CLCNKB: variants seen among roughly 807,000 people sequenced by gnomAD.
CLCNKB encodes the protein chloride voltage-gated channel Kb, also known as chloride channel protein ClC-Kb.
In CLCNKB, 74 loss-of-function variants were observed where a neutral mutation model predicts 83.8. That is an observed-to-expected ratio of 0.88 (90% CI 0.73 to 1.07). CLCNKB has a LOEUF of 1.07. Among genes scored for constraint, CLCNKB ranks in the 50% least tolerant of loss-of-function variants. The probability of loss-of-function intolerance (pLI) is 0.00; values close to 1 mark genes in which losing one functional copy is unlikely to be tolerated. For missense variants in CLCNKB, 798 were observed against 893.6 expected (o/e 0.89, Z 1.36); for synonymous variants, 358 against 356.6 (o/e 1.00, Z -0.04).
At chr1:16,046,482 C>G in intron 3 of CLCNKB, 53 bp from the exon 4 acceptor site, 1 of 1,610,090 alleles carries the variant, frequency 6.2e-7, no homozygotes, top group Non-Finnish European at 8.5e-7. Context: ...CAGCGTCTGG[C>G]CCCGAGGGCT....
intron 15 of CLCNKB, among the ~76,000 whole-genome samples, chr1:16,053,019 C>T (rs1412131906): frequency 6.6e-6 from 1 of 150,458 alleles, no homozygotes; most frequent in Non-Finnish European, 1.5e-5. Flanking sequence ...AGTTTTTTTC[C>T]CTGGGGGAGG....
chr1:16,057,251 C>CTGGGGTTG lies in CLCNKB; in HGVS notation c.*337_*344dup, dbSNP rs1557475112. ...CACCAAGGGCAGGCACAGATGCCTT[C>CTGGGGTTG]TGGGGTTGTCTGGTTCCCAGTGAGA... On this transcript the variant is annotated 3_prime_UTR_variant, in exon 20 of 20. Coordinates refer to ENST00000375679, the MANE Select transcript of CLCNKB (RefSeq NM_000085.5). 1 of 661,358 alleles carries CTGGGGTTG rather than the reference C, an allele frequency of 1.5e-6. No individual in the cohort carries two copies. Among genetic ancestry groups the CTGGGGTTG allele is most frequent in the Non-Finnish European group, 2.9e-6 (1 of 348,286 alleles). The allele number at this position is 661,358 out of a possible 1,614,324, so 41.0% of individuals were successfully genotyped here. A position where few individuals can be genotyped will look rare whatever the true frequency, so the allele number is the denominator to read the frequency against.
intron 3 of CLCNKB, 51 bp downstream of exon 3, chr1:16,045,737 C>G: frequency 1.3e-6 from 2 of 1,527,206 alleles, no homozygotes; most frequent in South Asian, 1.1e-5. Flanking sequence ...TCTGAGCTCT[C>G]TCTGGGGATG....
At chr1:16,052,574 A>C (rs548957358) in intron 15 of CLCNKB, among the ~76,000 whole-genome samples, 163 bp downstream of exon 15, 1 of 152,296 alleles carries the variant, frequency 6.6e-6, no homozygotes, top group Non-Finnish European at 1.5e-5. Context: ...GCCCCGGGTG[A>C]CCTTGGGCAA....
At chr1:16,046,056 C>A (rs11578318) in intron 3 of CLCNKB, among the ~76,000 whole-genome samples, 19,708 of 152,258 alleles carry the variant, frequency 0.13, 1,504 homozygotes, top group African/African-American at 0.17. Flanking sequence ...CACCCCATCC[C>A]TCAGCAGCCT....
intron 7 of CLCNKB, 115 bp from the exon 8 acceptor site, chr1:16,049,005 C>T (rs537759207): frequency 3.1e-6 from 5 of 1,600,382 alleles, no homozygotes; most frequent in East Asian, 2.2e-5. Context: ...TGTCCCTGTC[C>T]GGGCTGCAGG....
At chr1:16,050,714 T>C in intron 11 of CLCNKB, 114 bp downstream of exon 11, 1 of 1,483,176 alleles carries the variant, frequency 6.7e-7, no homozygotes, top group South Asian at 1.2e-5. Flanking sequence ...TCAGCATTAT[T>C]TTATAGATGA....
intron 5 of CLCNKB, 148 bp from the exon 6 acceptor site, chr1:16,048,195 T>G (rs1570332204): frequency 7.0e-7 from 1 of 1,435,188 alleles, no homozygotes; most frequent in Non-Finnish European, 9.6e-7. Flanking sequence ...GCAGGCCAGG[T>G]CCCCGGAGTG....
At chr1:16,045,432 A>T in intron 2 of CLCNKB, 126 bp from the exon 3 acceptor site, 1 of 1,173,312 alleles carries the variant, frequency 8.5e-7, no homozygotes, top group Non-Finnish European at 1.2e-6. Context: ...GGACTACCCC[A>T]GAGTATACCA....
intron 12 of CLCNKB, 126 bp downstream of exon 12, chr1:16,051,174 GC>G: frequency 7.0e-7 from 1 of 1,427,772 alleles, no homozygotes. Context: ...TGTGCCCCCT[GC>G]CCATTGCATG....
intron 12 of CLCNKB, among the ~76,000 whole-genome samples, chr1:16,051,271 A>G (rs1156886435): frequency 6.6e-6 from 1 of 152,162 alleles, no homozygotes; most frequent in African/African-American, 2.4e-5. Context: ...AAGGAGGAAG[A>G]AAGGAATGTA....
At chr1:16,045,993 G>C (rs890520074) in intron 3 of CLCNKB, among the ~76,000 whole-genome samples, 2 of 152,304 alleles carry the variant, frequency 1.3e-5, no homozygotes, top group South Asian at 2.1e-4. Flanking sequence ...ATGCCCTGGG[G>C]CAGAGTGGGG....
Position 16,049,246 on chromosome 1 carries a change from G to C in CLCNKB, c.781+1G>C. 6.2e-7 allele frequency: 1 copy of C among 1,613,696 alleles called. No homozygotes were observed. Among genetic ancestry groups the C allele is most frequent in the Non-Finnish European group, 8.5e-7 (1 of 1,179,884 alleles). ...CTGGCGGTCTTCAACAGCGAGCAGG[G>C]TGAGCCCCCTGGGCTGCCTGACCCT... On this transcript the variant is annotated splice_donor_variant, in intron 8 of 19. Transcript: ENST00000375679. LOFTEE classifies it high-confidence loss of function.
In CLCNKB at chr1:16,052,257, G is replaced by A. The variant is rs768205317; in HGVS notation, c.1468G>A (p.Glu490Lys). The A allele has an allele frequency of 1.1e-5, 17 of 1,613,204 alleles. No individual in the cohort carries two copies. The highest frequency in any genetic ancestry group is 1.4e-5 in the Non-Finnish European group (17 of 1,180,046). Reference sequence around the variant, plus strand: ...CATCTCCACGGCGCTGCTGGCCTTCGAGGTGACCGGCCAGATAGTGCATGC... The same window carrying A: ...CATCTCCACGGCGCTGCTGGCCTTCAAGGTGACCGGCCAGATAGTGCATGC... ...HTISTALLAFEVTGQIVHALP... is the reference protein window; with the variant it reads ...HTISTALLAFKVTGQIVHALP... The change falls in exon 15 of 20, where the codon GAG becomes AAG. Residue 490 changes from glutamate to lysine, a missense_variant. By Grantham distance (56) the Glu-to-Lys change is moderately conservative. Coordinates refer to ENST00000375679, the MANE Select transcript of CLCNKB (RefSeq NM_000085.5).
rs1185086446 is a variant in CLCNKB at position 16,049,147 on chromosome 1, C to G, written c.683C>G (p.Ser228Cys). 6.2e-7 allele frequency: 1 copy of G among 1,613,530 alleles called. No individual in the cohort carries two copies. ...GTCCTGTTCAGCATCGAGGTCATGT[C>G]TTCCCACTTCTCTGTCTGGGATTAC... The part of the protein sequence containing the change: ...SGVLFSIEVM[S>C]SHFSVWDYWR... The change falls in exon 8 of 20, where the codon TCT becomes TGT. Residue 228 changes from serine to cysteine, a missense_variant. Physicochemically the swap from Ser to Cys is moderately radical, Grantham distance 112. Coordinates refer to ENST00000375679, the MANE Select transcript of CLCNKB (RefSeq NM_000085.5).
rs2023252256 is a variant in CLCNKB at position 16,050,504 on chromosome 1, C to T, written c.969-12C>T. 2 of 1,613,774 alleles carry T rather than the reference C, an allele frequency of 1.2e-6. No homozygotes were observed. Among genetic ancestry groups the T allele is most frequent in the East Asian group, 2.2e-5 (1 of 44,872 alleles). On this transcript the variant is annotated splice_polypyrimidine_tract_variant and intron_variant, in intron 10 of 19. Coordinates refer to ENST00000375679, the MANE Select transcript of CLCNKB (RefSeq NM_000085.5). ...GGGAGGGCCAGCCCTAGAGCCCACC[C>T]ATCCCCCACAGCAAGCCTGTGTACT...
intron 12 of CLCNKB, 100 bp from the exon 13 acceptor site, chr1:16,051,378 T>C (rs1441584790): frequency 6.8e-7 from 1 of 1,463,332 alleles, no homozygotes; most frequent in Non-Finnish European, 9.6e-7. Context: ...CGGCACCCTC[T>C]TTCTCTCTAG....
intron 8 of CLCNKB, 74 bp from the exon 9 acceptor site, chr1:16,049,544 G>T (rs2023215947): frequency 7.7e-7 from 1 of 1,291,158 alleles, no homozygotes; most frequent in Admixed American, 2.1e-5. Flanking sequence ...CTCCACCCTG[G>T]GCTGTTAGTC....
Position 16,056,874 on chromosome 1 carries a change from G to A in CLCNKB, c.2022G>A (p.Lys674=). ...AVGCVSWVEM[K]KAISNLTNPP... ...ACCCCCTTTCTCTGTTCTAGATGAA[G>A]AAAGCAATTTCCAACCTGACAAATC... The change falls in exon 20 of 20, where the codon AAG becomes AAA. Residue 674 remains lysine, a synonymous_variant. Coordinates refer to ENST00000375679, the MANE Select transcript of CLCNKB (RefSeq NM_000085.5). 1 of 1,582,406 alleles carries A rather than the reference G, an allele frequency of 6.3e-7. No homozygotes were observed. The highest frequency in any genetic ancestry group is 1.1e-5 in the South Asian group (1 of 90,182).
Sources: allele counts gnomAD v4.1 joint callset (sites outside exome capture counted in the v4.1 genomes callset), GRCh38; gene constraint gnomAD v4.1.1; transcripts MANE v1.5; gene names NCBI Gene and HGNC (gene_info 2026-07-23, HGNC 2026-07-21).